The following EFNA5 variants were observed in gnomAD, a reference collection of about 807,000 sequenced individuals.
The protein encoded by EFNA5 is ephrin-A5.
A neutral mutation model predicts 22.9 loss-of-function variants in EFNA5; 5 were observed. The ratio of observed to expected loss-of-function variants is 0.22; its 90% CI spans 0.11 to 0.46. The LOEUF (loss-of-function observed/expected upper bound fraction) is 0.46, where lower values mean the gene tolerates loss of function less well. Among genes scored for constraint, EFNA5 ranks in the 20% least tolerant of loss-of-function variants. The pLI is 0.99. For missense variants in EFNA5, 237 were observed against 293.3 expected, an observed-to-expected ratio of 0.81 and a Z score of 1.40; for synonymous variants, 113 against 112.2, an observed-to-expected ratio of 1.01 and a Z score of -0.04.
chr5:107,487,824 G>T (rs536514892), intron 1 of EFNA5, among the ~76,000 whole-genome samples: 21 of 152,206 alleles, frequency 1.4e-4, no homozygotes, highest in Non-Finnish European at 2.2e-4. Flanking sequence ...AACAAGCACA[G>T]TGTTTGTATA....
At chr5:107,591,971 TATATA>T (rs1561443098) in intron 1 of EFNA5, among the ~76,000 whole-genome samples, 1,753 of 40,652 alleles carry the variant, frequency 0.043, 112 homozygotes, top group African/African-American at 0.064. Flanking sequence ...ATATATAATA[TATATA>T]ATATATAATA....
intron 1 of EFNA5, among the ~76,000 whole-genome samples, chr5:107,656,854 A>G (rs368829086): frequency 3.2e-4 from 49 of 152,276 alleles, no homozygotes; most frequent in African/African-American, 1.1e-3. Context: ...ATTAGCTCTG[A>G]AATAAAACCA....
chr5:107,580,033 T>C (rs1299453900), intron 1 of EFNA5, among the ~76,000 whole-genome samples: 1 of 152,214 alleles, frequency 6.6e-6, no homozygotes, highest in African/African-American at 2.4e-5. Flanking sequence ...GGGTGAGAAT[T>C]TCAACCATAA....
At position 107,442,939 on chromosome 5, in the gene EFNA5, A is replaced by G. The variant is rs1282759732; in HGVS notation, c.126-15430T>C. 3.3e-5 allele frequency among the ~76,000 whole-genome samples: 5 copies of G among 151,562 alleles called. No homozygotes were observed. The East Asian group carries it at 9.6e-4, about 29-fold the overall frequency. ...AAGTTCCCCAGGTACTAAAAAAAAAAAAAAAAAAAAAAAACCCTGTGAATT... is the reference window on the plus strand; with the variant it reads ...AAGTTCCCCAGGTACTAAAAAAAAAGAAAAAAAAAAAAAACCCTGTGAATT... On this transcript the variant is annotated intron_variant, in intron 1 of 4. Coordinates refer to ENST00000333274, the MANE Select transcript of EFNA5 (RefSeq NM_001962.3).
rs114736248 is a variant in EFNA5 at position 107,632,564 on chromosome 5, T to C, written c.125+37925A>G. Among the ~76,000 whole-genome samples the C allele has an allele frequency of 4.7e-3, 717 of 152,304 alleles. 3 individuals carry two copies. Among genetic ancestry groups the C allele is most frequent in the African/African-American group, 0.015 (623 of 41,572 alleles). The stretch of plus-strand genomic sequence containing the variant: ...TCCCCTCCAGCATCCTTTCCCCGTC[T>C]TCCTTGTTCTTCTCTTCATCTTTAT... On this transcript the variant is annotated intron_variant, in intron 1 of 4. Transcript: ENST00000333274.
intron 1 of EFNA5, among the ~76,000 whole-genome samples, chr5:107,505,348 T>A (rs572167312): frequency 4.9e-4 from 74 of 152,134 alleles, no homozygotes; most frequent in Non-Finnish European, 9.0e-4. Flanking sequence ...AGAAACTGAG[T>A]CCTACATGAA....
At chr5:107,606,657 A>G (rs1022329291) in intron 1 of EFNA5, among the ~76,000 whole-genome samples, 1 of 151,992 alleles carries the variant, frequency 6.6e-6, no homozygotes, top group Non-Finnish European at 1.5e-5. Context: ...AGGTTACATA[A>G]TATCTCTAAA....
intron 1 of EFNA5, among the ~76,000 whole-genome samples, chr5:107,434,506 C>T (rs1402553035): frequency 6.6e-6 from 1 of 152,186 alleles, no homozygotes; most frequent in African/African-American, 2.4e-5. Flanking sequence ...TTGCTAAAGC[C>T]AAAATGCATT....
intron 1 of EFNA5, among the ~76,000 whole-genome samples, chr5:107,553,126 A>G (rs2112470073): frequency 6.6e-6 from 1 of 152,292 alleles, no homozygotes; most frequent in Admixed American, 6.5e-5. Context: ...AGTGACAGGG[A>G]GAGAAAAAGA....
intron 2 of EFNA5, among the ~76,000 whole-genome samples, chr5:107,419,483 T>C (rs1456618414): frequency 1.3e-5 from 2 of 152,218 alleles, no homozygotes; most frequent in Admixed American, 1.3e-4. Context: ...AATTGTTCCA[T>C]TCTATTTTCA....
intron 1 of EFNA5, among the ~76,000 whole-genome samples, chr5:107,654,348 C>CA (rs1750785651): frequency 6.6e-6 from 1 of 151,338 alleles, no homozygotes; most frequent in Admixed American, 6.6e-5. Flanking sequence ...TGGGTTTAAA[C>CA]TTTTTTTTTA....
At chr5:107,522,224 C>T (rs1262501828) in intron 1 of EFNA5, among the ~76,000 whole-genome samples, 1 of 152,162 alleles carries the variant, frequency 6.6e-6, no homozygotes, top group African/African-American at 2.4e-5. Flanking sequence ...GATAATAATG[C>T]TACATGTATT....
intron 1 of EFNA5, among the ~76,000 whole-genome samples, chr5:107,652,732 G>A (rs1275694810): frequency 6.6e-6 from 1 of 152,102 alleles, no homozygotes; most frequent in Non-Finnish European, 1.5e-5. Flanking sequence ...TACTTTTCTA[G>A]TTAGTAAATG....
chr5:107,414,867 T>G (rs1217389683), intron 2 of EFNA5, among the ~76,000 whole-genome samples: 1 of 151,854 alleles, frequency 6.6e-6, no homozygotes, highest in African/African-American at 2.4e-5. Flanking sequence ...GCAAAGGAAC[T>G]AAAGGCAATT....
At chr5:107,436,935 G>C (rs1467858692) in intron 1 of EFNA5, among the ~76,000 whole-genome samples, 2 of 145,786 alleles carry the variant, frequency 1.4e-5, no homozygotes, top group Admixed American at 6.9e-5. Context: ...ATAACTAAAG[G>C]GTTAATAAGT....
intron 1 of EFNA5, among the ~76,000 whole-genome samples, chr5:107,466,932 G>A (rs147436272): frequency 2.8e-3 from 431 of 152,284 alleles, no homozygotes; most frequent in Non-Finnish European, 4.1e-3. Flanking sequence ...TGGGAAGAGC[G>A]TTAGGTTTGT....
At chr5:107,485,427 T>G (rs1207894225) in intron 1 of EFNA5, among the ~76,000 whole-genome samples, 1 of 152,168 alleles carries the variant, frequency 6.6e-6, no homozygotes, top group African/African-American at 2.4e-5. Flanking sequence ...GTTTCAAGTT[T>G]TGGGGATGAC....
chr5:107,595,095 CA>C (rs1749447373), intron 1 of EFNA5, among the ~76,000 whole-genome samples: 1 of 151,114 alleles, frequency 6.6e-6, no homozygotes, highest in Non-Finnish European at 1.5e-5. Flanking sequence ...CTTTAGTAAC[CA>C]AAAAAGTACA....
intron 1 of EFNA5, among the ~76,000 whole-genome samples, chr5:107,551,340 C>G (rs1748290246): frequency 6.6e-6 from 1 of 152,200 alleles, no homozygotes; most frequent in Non-Finnish European, 1.5e-5. Flanking sequence ...TACACGATCT[C>G]TGCCACAGAC....
Sources: allele counts gnomAD v4.1 joint callset (sites outside exome capture counted in the v4.1 genomes callset), GRCh38; gene constraint gnomAD v4.1.1; transcripts MANE v1.5; gene names NCBI Gene and HGNC (gene_info 2026-07-23, HGNC 2026-07-21).